Variants in TMEM182 observed in about 807,000 individuals in gnomAD.
The protein encoded by TMEM182 is transmembrane protein 182.
A neutral mutation model predicts 26.8 loss-of-function variants in TMEM182; 20 were observed. That is an observed-to-expected ratio of 0.75 (90% confidence interval 0.53 to 1.09). The LOEUF (loss-of-function observed/expected upper bound fraction) is 1.09, where lower values mean the gene tolerates loss of function less well. TMEM182 is among the 50% of genes least tolerant of loss of function. The pLI is 0.00. For missense variants in TMEM182, 277 were observed against 275.5 expected (o/e 1.01, Z -0.04); for synonymous variants, 109 against 102.2 (o/e 1.07, Z -0.40).
chr2:102,834,797 A>T (rs1484826088), intron 3 of TMEM182, among the ~76,000 whole-genome samples: 1 of 152,206 alleles, frequency 6.6e-6, no homozygotes, highest in East Asian at 1.9e-4. Context: ...CCAAGCTGTT[A>T]CAAAAGCCAA....
At chr2:102,827,206 G>A (rs1298394684) in intron 3 of TMEM182, among the ~76,000 whole-genome samples, 2 of 152,190 alleles carry the variant, frequency 1.3e-5, no homozygotes, top group Admixed American at 6.5e-5. Flanking sequence ...ATCAACTCAG[G>A]TCTTCTCTGA....
In TMEM182 at chr2:102,746,930, T is replaced by C. The variant is rs578019460; in HGVS notation, c.-83+9917T>C. Among the ~76,000 whole-genome samples the C allele has an allele frequency of 2.6e-5, 4 of 152,354 alleles. No homozygotes were observed. The South Asian group carries it at 8.3e-4, about 32-fold the overall frequency. On this transcript the variant is annotated intron_variant, in intron 1 of 5. Transcript: ENST00000409173. Reference sequence around the variant, plus strand: ...TTGATGGAGGGAAGAACACAGACTCTTGCTGTTCTTACTGAATTTTAAAAT... The same window carrying C: ...TTGATGGAGGGAAGAACACAGACTCCTGCTGTTCTTACTGAATTTTAAAAT...
At chr2:102,748,747 TTC>T (rs1414194835) in intron 1 of TMEM182, among the ~76,000 whole-genome samples, 2 of 152,248 alleles carry the variant, frequency 1.3e-5, no homozygotes, top group Admixed American at 6.5e-5. Flanking sequence ...TTCTTTTTTA[TTC>T]TGAGTTCTCA....
intron 1 of TMEM182, among the ~76,000 whole-genome samples, chr2:102,741,895 A>G (rs1250717721): frequency 6.6e-6 from 1 of 152,206 alleles, no homozygotes; most frequent in Non-Finnish European, 1.5e-5. Context: ...CCTAGCTTCT[A>G]GCCAGATTAA....
At chr2:102,758,530 T>C (rs151063280), upstream of TMEM182, 81 of 716,244 alleles carry the variant, frequency 1.1e-4, no homozygotes, top group African/African-American at 1.1e-3. Flanking sequence ...TGTTAAAAGA[T>C]GGTTTGAAAA....
In TMEM182 at chr2:102,824,038, C is replaced by A. The variant is rs148074041; in HGVS notation, c.326-19374C>A. Among the ~76,000 whole-genome samples, 195 of 152,242 alleles carry A rather than the reference C, an allele frequency of 1.3e-3. 5 individuals are homozygous for A. In the East Asian group the frequency reaches 0.029, roughly 23 times the overall value. On this transcript the variant is annotated intron_variant, in intron 3 of 3. Transcript: ENST00000486293. The stretch of plus-strand genomic sequence containing the variant: ...AAAGAGAGGTGTGAAATAAAAGATT[C>A]AGAAAGAGGGTTTTAAAAATGGGCT...
intron 3 of TMEM182, among the ~76,000 whole-genome samples, chr2:102,826,648 C>T (rs1382582946): frequency 6.6e-6 from 1 of 152,058 alleles, no homozygotes; most frequent in Non-Finnish European, 1.5e-5. Flanking sequence ...GATTTCTGAC[C>T]TTACTATTCC....
In TMEM182 at chr2:102,764,423, A is replaced by G; in HGVS notation, c.327A>G (p.Ala109=). ...ACAACTCGACCTCCTATGACTCTGC[A>G]GTTAGTAAGTACCCTCTGTCCTCAG... is the stretch of plus-strand genomic sequence containing the variant. ...GEHNSTSYDS[A]VIYRGFWAVL... Residue 109 remains alanine (A), a synonymous_variant, in exon 3 of 5, where the codon GCA becomes GCG. Coordinates refer to ENST00000412401, the MANE Select transcript of TMEM182 (RefSeq NM_144632.5). 1 of 1,613,562 alleles carries G rather than the reference A, an allele frequency of 6.2e-7. No individual in the cohort carries two copies. The highest frequency in any genetic ancestry group is 1.1e-5 in the South Asian group (1 of 91,040).
chr2:102,771,349 T>C (rs969388078), intron 3 of TMEM182, among the ~76,000 whole-genome samples: 1 of 152,152 alleles, frequency 6.6e-6, no homozygotes, highest in Non-Finnish European at 1.5e-5. Flanking sequence ...GACTTTCATC[T>C]GGGACCCCAG....
At chr2:102,746,750 G>A (rs943095440) in intron 1 of TMEM182, among the ~76,000 whole-genome samples, 8 of 151,834 alleles carry the variant, frequency 5.3e-5, no homozygotes, top group South Asian at 2.1e-4. Flanking sequence ...CACCACACCC[G>A]GCTAATTTTT....
At chr2:102,758,635 G>A (rs1680116522), upstream of TMEM182, among the ~76,000 whole-genome samples, 1 of 152,126 alleles carries the variant, frequency 6.6e-6, no homozygotes, top group African/African-American at 2.4e-5. Context: ...TCTTTTGGGG[G>A]TAGATTGCCA....
chr2:102,799,743 T>G (rs1384979719), intron 4 of TMEM182, among the ~76,000 whole-genome samples: 1 of 152,196 alleles, frequency 6.6e-6, no homozygotes, highest in East Asian at 1.9e-4. Context: ...GTCAATTCCT[T>G]TGTCCTTTGT....
intron 1 of TMEM182, among the ~76,000 whole-genome samples, chr2:102,755,656 T>C (rs777567398): frequency 2.6e-5 from 4 of 152,218 alleles, no homozygotes; most frequent in Non-Finnish European, 5.9e-5. Flanking sequence ...AGTAGTGCTC[T>C]GTAGAAATTC....
intron 3 of TMEM182, among the ~76,000 whole-genome samples, chr2:102,835,422 A>G (rs1262898813): frequency 1.3e-5 from 2 of 152,104 alleles, no homozygotes; most frequent in Non-Finnish European, 2.9e-5. Flanking sequence ...CCTCCACCAC[A>G]ATGGTGCATT....
upstream of TMEM182, chr2:102,761,873 C>G (rs1680225036): frequency 4.5e-6 from 1 of 222,100 alleles, no homozygotes; most frequent in African/African-American, 2.4e-5. Flanking sequence ...TAATGATAAT[C>G]TGAGCCAGTT....
chr2:102,810,415 C>G (rs1424408253), intron 4 of TMEM182, among the ~76,000 whole-genome samples: 4 of 152,088 alleles, frequency 2.6e-5, no homozygotes, highest in Non-Finnish European at 4.4e-5. Flanking sequence ...GTGATTGTTT[C>G]CATAGTGTTA....
In TMEM182 at chr2:102,815,021, T is replaced by A; in HGVS notation, c.*53T>A. ...GAGAGATTTTAAAACAAGGAATACT[T>A]TTTTTCCATTTTGTTTCATTGATCC... is the stretch of plus-strand genomic sequence containing the variant. On this transcript the variant is annotated 3_prime_UTR_variant, in exon 5 of 5. Coordinates refer to ENST00000412401, the MANE Select transcript of TMEM182 (RefSeq NM_144632.5). 6.3e-7 allele frequency: 1 copy of A among 1,590,660 alleles called. No individual in the cohort carries two copies. Among genetic ancestry groups the A allele is most frequent in the Non-Finnish European group, 8.6e-7 (1 of 1,168,134 alleles).
intron 2 of TMEM182, 75 bp from the exon 3 acceptor site, chr2:102,764,254 A>G: frequency 1.4e-6 from 2 of 1,430,290 alleles, no homozygotes; most frequent in East Asian, 2.3e-5. Flanking sequence ...TGTGCTCTGT[A>G]TTTCTGTTCC....
upstream of TMEM182, among the ~76,000 whole-genome samples, chr2:102,760,700 A>G (rs567479222): frequency 2.6e-4 from 39 of 151,820 alleles, no homozygotes; most frequent in Admixed American, 1.1e-3. Flanking sequence ...CTGCAACCTC[A>G]ACCTCCCGGG....
Sources: allele counts gnomAD v4.1 joint callset (sites outside exome capture counted in the v4.1 genomes callset), GRCh38; gene constraint gnomAD v4.1.1; transcripts MANE v1.5; gene names NCBI Gene and HGNC (gene_info 2026-07-23, HGNC 2026-07-21).